NMU: variants seen among roughly 807,000 people sequenced by gnomAD.
The protein encoded by NMU is neuromedin U.
In NMU, 29 loss-of-function variants were observed where a neutral mutation model predicts 35.4. That is an observed-to-expected ratio of 0.82 (90% CI 0.61 to 1.12). The LOEUF (loss-of-function observed/expected upper bound fraction) is 1.12, where lower values mean the gene tolerates loss of function less well. Among genes scored for constraint, NMU ranks in the 50% most tolerant of loss-of-function variants. The pLI, the probability that NMU is intolerant of heterozygous loss-of-function variation, is 0.00. For missense variants in NMU, 199 were observed against 206.2 expected (o/e 0.97, Z 0.21); for synonymous variants, 78 against 81.3 (o/e 0.96, Z 0.22).
chr4:55,632,060 G>C (rs1161784610), intron 1 of NMU, among the ~76,000 whole-genome samples: 1 of 152,074 alleles, frequency 6.6e-6, no homozygotes, highest in East Asian at 1.9e-4. Context: ...TGAAGGAATG[G>C]GAAACTAAAT....
At chr4:55,634,869 CTCTT>C (rs1053306175) in intron 1 of NMU, among the ~76,000 whole-genome samples, 1 of 151,324 alleles carries the variant, frequency 6.6e-6, no homozygotes, top group African/African-American at 2.4e-5. Context: ...AGGGGAGTCT[CTCTT>C]TCTGTCTCTC....
chr4:55,599,977 A>C (rs1733358295), intron 8 of NMU, among the ~76,000 whole-genome samples: 1 of 152,178 alleles, frequency 6.6e-6, no homozygotes, highest in Non-Finnish European at 1.5e-5. Context: ...GAATTAATTA[A>C]AACTTTCTGG....
At chr4:55,632,354 A>C (rs1715649412) in intron 1 of NMU, among the ~76,000 whole-genome samples, 3 of 152,158 alleles carry the variant, frequency 2.0e-5, no homozygotes, top group Non-Finnish European at 4.4e-5. Context: ...TATTTCATTT[A>C]AGTTCTAATA....
At chr4:55,619,297 A>G (rs1380265083) in intron 2 of NMU, among the ~76,000 whole-genome samples, 2 of 145,666 alleles carry the variant, frequency 1.4e-5, no homozygotes, top group Non-Finnish European at 1.5e-5. Flanking sequence ...GGCGCAGGCC[A>G]GTGGGTGCGC....
intron 7 of NMU, among the ~76,000 whole-genome samples, chr4:55,602,470 C>T (rs1373961641): frequency 6.6e-6 from 1 of 152,108 alleles, no homozygotes; most frequent in Non-Finnish European, 1.5e-5. Context: ...GATGGTATCA[C>T]TGAAGATGGA....
intron 7 of NMU, among the ~76,000 whole-genome samples, chr4:55,601,875 C>T (rs1733441063): frequency 6.6e-6 from 1 of 151,802 alleles, no homozygotes; most frequent in African/African-American, 2.4e-5. Flanking sequence ...GTGGACCCAG[C>T]TCCTCAGGCT....
At chr4:55,628,955 A>G (rs528300769) in intron 2 of NMU, among the ~76,000 whole-genome samples, 1 of 152,262 alleles carries the variant, frequency 6.6e-6, no homozygotes, top group East Asian at 1.9e-4. Flanking sequence ...GCTATAGCTT[A>G]TACATTTTGA....
At chr4:55,619,043 A>C (rs1282642665) in intron 2 of NMU, among the ~76,000 whole-genome samples, 1 of 151,498 alleles carries the variant, frequency 6.6e-6, no homozygotes, top group Non-Finnish European at 1.5e-5. Flanking sequence ...CTTATTTTTT[A>C]TTATTTATAG....
At chr4:55,596,362 G>GTT (rs34453144) in intron 9 of NMU, among the ~76,000 whole-genome samples, 7,104 of 140,272 alleles carry the variant, frequency 0.051, 217 homozygotes, top group Non-Finnish European at 0.078. Context: ...AATTTTGGAG[G>GTT]TTTTTTTTTT....
chr4:55,630,389 G>C lies in NMU; in HGVS notation c.171+13C>G. 15 of 1,596,278 alleles carry C rather than the reference G, an allele frequency of 9.4e-6. No individual in the cohort carries two copies. Among genetic ancestry groups the C allele is most frequent in the African/African-American group, 1.3e-5 (1 of 74,700 alleles). ...TAAAGTTTCTACAAATTTGTGTGAT[G>C]ATAGTTCCTTACCTCATTCCACAAC... On this transcript the variant is annotated intron_variant, in intron 2 of 9. Coordinates refer to ENST00000264218, the MANE Select transcript of NMU (RefSeq NM_006681.4).
intron 9 of NMU, among the ~76,000 whole-genome samples, chr4:55,597,492 C>T (rs1315511289): frequency 6.6e-6 from 1 of 151,988 alleles, no homozygotes; most frequent in African/African-American, 2.4e-5. Flanking sequence ...CCTCAGCCTC[C>T]CGAGTAGCTG....
At chr4:55,600,456 T>C in intron 8 of NMU, 66 bp downstream of exon 8, 2 of 1,046,268 alleles carry the variant, frequency 1.9e-6, no homozygotes, top group African/African-American at 1.6e-5. Context: ...AAAAGTTAAA[T>C]ACACAGGGAA....
chr4:55,625,321 AT>A (rs920800450), intron 2 of NMU, among the ~76,000 whole-genome samples: 20 of 151,678 alleles, frequency 1.3e-4, no homozygotes, highest in Non-Finnish European at 4.4e-5. Flanking sequence ...CATCTAAAGT[AT>A]TTTTCCAATT....
At chr4:55,609,919 G>A (rs1232783409) in intron 3 of NMU, among the ~76,000 whole-genome samples, 1 of 152,168 alleles carries the variant, frequency 6.6e-6, no homozygotes, top group Non-Finnish European at 1.5e-5. Context: ...ACAGTAGGGA[G>A]GGCAATGTAA....
rs548585865 is a variant in NMU, at chr4:55,609,432, C to T, written c.220-253G>A. 1.7e-4 allele frequency among the ~76,000 whole-genome samples: 26 copies of T among 152,038 alleles called. No individual in the cohort carries two copies. In the South Asian group the frequency reaches 5.2e-3, roughly 30 times the overall value. ...GTACATATGCACTCATGAAGGCTTC[C>T]GCTGTGATCTAGATACATAGTTCTC... On this transcript the variant is annotated intron_variant, in intron 3 of 9. Transcript: ENST00000264218.
At chr4:55,618,024 T>C (rs1734175214) in intron 2 of NMU, among the ~76,000 whole-genome samples, 1 of 152,200 alleles carries the variant, frequency 6.6e-6, no homozygotes, top group Admixed American at 6.5e-5. Flanking sequence ...CACTTTCCAT[T>C]TGAGTAAGCA....
At position 55,599,184 on chromosome 4, in the gene NMU, G is replaced by C; in HGVS notation, c.490-3C>G. 1 of 1,602,966 alleles carries C rather than the reference G, an allele frequency of 6.2e-7. No individual in the cohort carries two copies. Among genetic ancestry groups the C allele is most frequent in the Non-Finnish European group, 8.5e-7 (1 of 1,170,128 alleles). On this transcript the variant is annotated splice_region_variant and splice_polypyrimidine_tract_variant and intron_variant, in intron 8 of 9. Coordinates refer to ENST00000264218, the MANE Select transcript of NMU (RefSeq NM_006681.4). ...GCTGACCTTCTTCCATTCCGTGGCTGAAAAATAATAGATTAGAAATAAATC... is the reference window on the plus strand; with the variant it reads ...GCTGACCTTCTTCCATTCCGTGGCTCAAAAATAATAGATTAGAAATAAATC...
At chr4:55,601,776 C>A (rs1733437128) in intron 7 of NMU, among the ~76,000 whole-genome samples, 1 of 151,914 alleles carries the variant, frequency 6.6e-6, no homozygotes, top group African/African-American at 2.4e-5. Context: ...CACTTGAGCC[C>A]AGGAGTTTGA....
chr4:55,619,368 A>G (rs1734274485), intron 2 of NMU, among the ~76,000 whole-genome samples: 1 of 135,848 alleles, frequency 7.4e-6, no homozygotes, highest in East Asian at 2.2e-4. Flanking sequence ...GCAAGGGGTC[A>G]GGGAGTTCCC....
Sources: allele counts gnomAD v4.1 joint callset (sites outside exome capture counted in the v4.1 genomes callset), GRCh38; gene constraint gnomAD v4.1.1; transcripts MANE v1.5; gene names NCBI Gene and HGNC (gene_info 2026-07-23, HGNC 2026-07-21).